Variants in SH3PXD2A observed in about 807,000 individuals in gnomAD.
SH3PXD2A encodes SH3 and PX domain-containing protein 2A.
In SH3PXD2A, 32 loss-of-function variants were observed where a neutral mutation model predicts 115.2. The observed-to-expected ratio is 0.28, with a 90% CI of 0.21 to 0.37. The LOEUF (loss-of-function observed/expected upper bound fraction) is 0.37, where lower values mean the gene tolerates loss of function less well. Among genes scored for constraint, SH3PXD2A ranks in the 10% least tolerant of loss-of-function variants. The pLI is 1.00. For synonymous variants in SH3PXD2A, 610 were observed against 629.1 expected (o/e 0.97, Z 0.45); for missense variants, 1,328 against 1,498.7 (o/e 0.89, Z 1.88).
Position 103,594,340 on chromosome 10 carries a change from A to T in SH3PXD2A, c.*7476T>A, listed in dbSNP as rs944431914. 6.6e-6 allele frequency: 1 copy of T among 152,668 alleles called. No individual in the cohort carries two copies. The highest frequency in any genetic ancestry group is 2.4e-5 in the African/African-American group (1 of 41,472). The allele number at this position is 152,668 out of a possible 1,614,324, so 9.5% of individuals were successfully genotyped here. A position where few individuals can be genotyped will look rare whatever the true frequency, so the allele number is the denominator to read the frequency against. ...TGATTCTGGAAATATTTCAGCACTC[A>T]AATCGACTGCACTGAGTTTAATGTC... On this transcript the variant is annotated 3_prime_UTR_variant, in exon 15 of 15. Transcript: ENST00000369774.
intron 8 of SH3PXD2A, among the ~76,000 whole-genome samples, chr10:103,649,842 C>G (rs2037091766): frequency 1.3e-5 from 2 of 152,332 alleles, no homozygotes; most frequent in Admixed American, 1.3e-4. Context: ...CAACCTCACC[C>G]CCTTCCTGGG....
chr10:103,719,847 G>A (rs1320869022), intron 5 of SH3PXD2A, among the ~76,000 whole-genome samples: 2 of 149,994 alleles, frequency 1.3e-5, no homozygotes, highest in African/African-American at 4.9e-5. Flanking sequence ...AGCCTCCCAA[G>A]TAGCTGGGAT....
In SH3PXD2A at chr10:103,803,858, T is replaced by C. The variant is rs114258792; in HGVS notation, c.73-2496A>G. Among the ~76,000 whole-genome samples, 230 of 152,342 alleles carry C rather than the reference T, an allele frequency of 1.5e-3. 1 individual carries two copies. The highest frequency in any genetic ancestry group is 5.3e-3 in the African/African-American group (219 of 41,584). ...GGTGGATGGGGTACAGCCTGCGTTA[T>C]ACATTTTAGGGAAATACAATACATC... On this transcript the variant is annotated intron_variant, in intron 1 of 14. Coordinates refer to ENST00000369774, the MANE Select transcript of SH3PXD2A (RefSeq NM_001394015.1).
chr10:103,712,410 C>T lies in SH3PXD2A; in HGVS notation c.398+11860G>A, dbSNP rs374327527. Among the ~76,000 whole-genome samples the T allele has an allele frequency of 1.2e-4, 19 of 152,230 alleles. No individual in the cohort carries two copies. In the East Asian group the frequency reaches 3.7e-3, roughly 30 times the overall value. On this transcript the variant is annotated intron_variant, in intron 5 of 14. Transcript: ENST00000369774. ...AAGGGCTCAGTCTGTGGTTTGGGAG[C>T]GGGAAACCTGGTTTTCTGAGTGCTT... is the stretch of plus-strand genomic sequence containing the variant.
intron 10 of SH3PXD2A, among the ~76,000 whole-genome samples, chr10:103,621,114 C>T (rs763679695): frequency 2.6e-5 from 4 of 152,168 alleles, no homozygotes; most frequent in Non-Finnish European, 2.9e-5. Context: ...TGTGACAGGG[C>T]GCACAGTCGT....
At chr10:103,840,885 A>C (rs2039590771) in intron 1 of SH3PXD2A, among the ~76,000 whole-genome samples, 1 of 152,242 alleles carries the variant, frequency 6.6e-6, no homozygotes, top group Non-Finnish European at 1.5e-5. Flanking sequence ...GAACAATGGA[A>C]GACAGTTTCC....
In SH3PXD2A at chr10:103,667,294, GCCTC is replaced by G. The variant is rs368665601; in HGVS notation, c.472+1310_472+1313del. Among the ~76,000 whole-genome samples the G allele has an allele frequency of 2.4e-3, 365 of 152,238 alleles. 2 individuals carry two copies. Among genetic ancestry groups the G allele is most frequent in the African/African-American group, 8.5e-3 (353 of 41,536 alleles). On this transcript the variant is annotated intron_variant, in intron 7 of 14. Transcript: ENST00000369774. ...ACAGAGCTAGTAAGGCCCTGTGCTG[GCCTC>G]CACCCCAGGCTCCCCACGACTCCCC...
intron 5 of SH3PXD2A, among the ~76,000 whole-genome samples, chr10:103,720,491 C>T (rs986958097): frequency 3.3e-5 from 5 of 152,212 alleles, no homozygotes; most frequent in African/African-American, 1.2e-4. Flanking sequence ...ACCTTGTCTT[C>T]TCTGGAAGAT....
At chr10:103,654,331 A>ACT (rs1240198062) in intron 8 of SH3PXD2A, among the ~76,000 whole-genome samples, 1 of 152,170 alleles carries the variant, frequency 6.6e-6, no homozygotes, top group Non-Finnish European at 1.5e-5. Context: ...GCCTGACAGT[A>ACT]AACCCCTCTG....
intron 13 of SH3PXD2A, chr10:103,608,650 AAG>A (rs1317730801): frequency 6.6e-5 from 10 of 150,840 alleles, no homozygotes; most frequent in African/African-American, 1.9e-4. Context: ...AAAAAAAAAA[AAG>A]AGAAAAAAAC....
intron 5 of SH3PXD2A, among the ~76,000 whole-genome samples, chr10:103,693,875 C>G (rs1264232716): frequency 6.6e-6 from 1 of 152,178 alleles, no homozygotes; most frequent in Non-Finnish European, 1.5e-5. Flanking sequence ...CAAATGCTGT[C>G]AGAGAAAGTA....
chr10:103,758,989 G>A (rs1349213346), intron 3 of SH3PXD2A, among the ~76,000 whole-genome samples: 3 of 152,094 alleles, frequency 2.0e-5, no homozygotes, highest in African/African-American at 7.2e-5. Context: ...TAGCATCCAG[G>A]GCCCTTCAGG....
At chr10:103,815,922 C>A (rs1013695699) in intron 1 of SH3PXD2A, among the ~76,000 whole-genome samples, 2 of 151,626 alleles carry the variant, frequency 1.3e-5, no homozygotes, top group African/African-American at 2.4e-5. Flanking sequence ...AAGAAAAATA[C>A]TGTATAATCT....
intron 11 of SH3PXD2A, among the ~76,000 whole-genome samples, chr10:103,614,486 A>C (rs2036478625): frequency 6.6e-6 from 1 of 152,214 alleles, no homozygotes; most frequent in African/African-American, 2.4e-5. Flanking sequence ...AAACAAAACA[A>C]AAGGAAACAA....
At chr10:103,708,645 C>A (rs935282338) in intron 5 of SH3PXD2A, among the ~76,000 whole-genome samples, 1 of 152,196 alleles carries the variant, frequency 6.6e-6, no homozygotes, top group African/African-American at 2.4e-5. Context: ...TGCCCTGTGT[C>A]ACCTTACTGA....
intron 1 of SH3PXD2A, among the ~76,000 whole-genome samples, chr10:103,850,363 G>A (rs1005114): frequency 1 from 151,831 of 152,254 alleles, 75,712 homozygotes; most frequent in Middle Eastern, 1. Flanking sequence ...GCCTTGAAGG[G>A]TGTGGTTGGT....
At chr10:103,818,021 G>A (rs2039341290) in intron 1 of SH3PXD2A, among the ~76,000 whole-genome samples, 1 of 152,190 alleles carries the variant, frequency 6.6e-6, no homozygotes, top group African/African-American at 2.4e-5. Context: ...ATCTGTGAAT[G>A]AACTAAAAAC....
At chr10:103,692,092 C>G (rs1223440948) in intron 6 of SH3PXD2A, among the ~76,000 whole-genome samples, 1 of 152,180 alleles carries the variant, frequency 6.6e-6, no homozygotes, top group Non-Finnish European at 1.5e-5. Flanking sequence ...CAAGGTACAG[C>G]CACCCTGTCA....
chr10:103,788,905 G>C (rs2039005637), intron 2 of SH3PXD2A, among the ~76,000 whole-genome samples: 1 of 152,084 alleles, frequency 6.6e-6, no homozygotes, highest in Non-Finnish European at 1.5e-5. Context: ...AAATAAACTA[G>C]TGTCCCTGAG....
Sources: allele counts gnomAD v4.1 joint callset (sites outside exome capture counted in the v4.1 genomes callset), GRCh38; gene constraint gnomAD v4.1.1; transcripts MANE v1.5; gene names NCBI Gene and HGNC (gene_info 2026-07-23, HGNC 2026-07-21).